The following ARHGAP4 variants were observed in gnomAD, a reference collection of about 807,000 sequenced individuals.
The protein encoded by ARHGAP4 is rho GTPase-activating protein 4.
In ARHGAP4, 25 loss-of-function variants were observed where a neutral mutation model predicts 67.6. The ratio of observed to expected loss-of-function variants is 0.37; its 90% CI spans 0.27 to 0.52. The LOEUF (loss-of-function observed/expected upper bound fraction) is 0.52, where lower values mean the gene tolerates loss of function less well. Among genes scored for constraint, ARHGAP4 ranks in the 20% least tolerant of loss-of-function variants. ARHGAP4 has a pLI of 0.92. For missense variants in ARHGAP4, 804 were observed against 854.6 expected (o/e 0.94, Z 0.74); for synonymous variants, 448 against 373.7 (o/e 1.20, Z -2.29).
At chrX:153,916,799 C>T (rs190090573) in intron 7 of ARHGAP4, among the ~76,000 whole-genome samples, 92 of 113,124 alleles carry the variant, frequency 8.1e-4, no homozygotes, top group South Asian at 2.9e-3. Context: ...CATTTCAGGC[C>T]GGGCATGGTG....
At chrX:153,919,779 CTA>C (rs1447078457) in intron 5 of ARHGAP4, 53 of 851,728 alleles carry the variant, frequency 6.2e-5, no homozygotes, top group Non-Finnish European at 8.0e-5. Flanking sequence ...AACTGGCACT[CTA>C]TTTTTTTTTT....
chrX:153,909,615 G>A (rs1402002767), intron 19 of ARHGAP4, 80 bp from the exon 20 acceptor site: 1 of 1,103,443 alleles, frequency 9.1e-7, no homozygotes, highest in Non-Finnish European at 1.2e-6. Context: ...CGCCAGCCAG[G>A]AGTGGTCAGA....
chrX:153,926,031 T>TG (rs1301941552), intron 1 of ARHGAP4, 105 bp downstream of exon 1: 1 of 1,071,385 alleles, frequency 9.3e-7, no homozygotes, highest in Non-Finnish European at 1.2e-6. Flanking sequence ...CAGAGGTCGC[T>TG]GGGGAGAGCA....
intron 20 of ARHGAP4, 130 bp downstream of exon 20, chrX:153,909,313 C>G: frequency 1.1e-6 from 1 of 877,455 alleles, no homozygotes; most frequent in Non-Finnish European, 1.6e-6. Context: ...CTCCCTGTCA[C>G]AAGCTGGGTC....
chrX:153,909,425 C>T lies in ARHGAP4; in HGVS notation c.2507+18G>A, dbSNP rs377410859. 1.7e-4 allele frequency: 196 copies of T among 1,177,570 alleles called. No homozygotes were observed. The highest frequency in any genetic ancestry group is 5.5e-4 in the African/African-American group (31 of 56,737). Reference sequence around the variant, plus strand: ...AACAGCACACGTGTGGCCCCCTGAGCCCCGTCTTCTTGCTCACCGGTGGAC... The same window carrying T: ...AACAGCACACGTGTGGCCCCCTGAGTCCCGTCTTCTTGCTCACCGGTGGAC... On this transcript the variant is annotated intron_variant, in intron 20 of 21. Transcript: ENST00000350060.
At chrX:153,919,722 G>C in intron 5 of ARHGAP4, 2 of 1,096,837 alleles carry the variant, frequency 1.8e-6, no homozygotes, top group South Asian at 2.5e-5. Flanking sequence ...GGTAGGGATA[G>C]ATCATCAAGA....
In ARHGAP4 at chrX:153,911,154, G is replaced by A. The variant is rs1471294862; in HGVS notation, c.1578C>T (p.Ser526=). ...SGQPVPLVVE[S]CIRFINLNGL... ...CATTGAGGTTGATGAAGCGAATGCA[G>A]CTCTCCACCACCAGGGGCACAGGCT... is the stretch of plus-strand genomic sequence containing the variant. The change falls in exon 13 of 22, where the codon AGC becomes AGT. Residue 526 remains serine (S), a synonymous_variant. Coordinates refer to ENST00000350060, the MANE Select transcript of ARHGAP4 (RefSeq NM_001666.5). The A allele has an allele frequency of 1.1e-5, 13 of 1,170,456 alleles. No individual in the cohort carries two copies. The highest frequency in any genetic ancestry group is 1.5e-5 in the Non-Finnish European group (13 of 874,218).
At chrX:153,917,231 A>T (rs1282026011) in intron 7 of ARHGAP4, among the ~76,000 whole-genome samples, 1 of 108,425 alleles carries the variant, frequency 9.2e-6, no homozygotes, top group African/African-American at 3.4e-5. Flanking sequence ...ATAAATAAAT[A>T]AAATAAATTA....
chrX:153,916,097 TGCGATCAC>T (rs782649506), intron 7 of ARHGAP4, among the ~76,000 whole-genome samples: 1 of 112,451 alleles, frequency 8.9e-6, no homozygotes, highest in East Asian at 2.8e-4. Flanking sequence ...AAGACCACTC[TGCGATCAC>T]GCATGAGTGA....
Position 153,912,956 on chromosome X carries a change from G to A in ARHGAP4, c.1439+68C>T. ...GTGAGGCCCAGGGGATTGGGCAGCT[G>A]AGCTGGGCCCCAGGAAGAGAAGAGA... On this transcript the variant is annotated intron_variant, in intron 11 of 21. Transcript: ENST00000350060. The A allele has an allele frequency of 4.3e-6, 5 of 1,164,133 alleles. No homozygotes were observed. The Admixed American group carries it at 7.1e-5, about 17-fold the overall frequency.
chrX:153,920,838 T>C (rs1434703603), intron 4 of ARHGAP4, 30 bp from the exon 5 acceptor site: 1 of 1,208,789 alleles, frequency 8.3e-7, no homozygotes, highest in Admixed American at 2.2e-5. Flanking sequence ...AAGGTGGTGC[T>C]GGTGAAGGCC....
chrX:153,912,916 GC>G, intron 11 of ARHGAP4, 107 bp downstream of exon 11: 3 of 1,119,997 alleles, frequency 2.7e-6, no homozygotes, highest in Middle Eastern at 2.5e-4. Context: ...ACAATCCAGT[GC>G]GAAAACTGGG....
chrX:153,918,416 C>T (rs2065069700), intron 7 of ARHGAP4, among the ~76,000 whole-genome samples: 1 of 112,238 alleles, frequency 8.9e-6, no homozygotes, highest in African/African-American at 3.2e-5. Flanking sequence ...AGTTCCAAGT[C>T]GGCCCGAAAG....
intron 6 of ARHGAP4, 49 bp from the exon 7 acceptor site, chrX:153,919,102 T>C (rs1057096005): frequency 2.5e-6 from 3 of 1,208,655 alleles, no homozygotes; most frequent in African/African-American, 3.5e-5. Flanking sequence ...AGCCACAGCT[T>C]CCCAGCCCCG....
At chrX:153,919,675 C>T (rs1215967535) in intron 5 of ARHGAP4, 20 of 1,159,826 alleles carry the variant, frequency 1.7e-5, no homozygotes, top group African/African-American at 3.6e-5. Flanking sequence ...CAGGCCTCTG[C>T]GGGGGCCAGA....
chrX:153,913,299 G>A lies in ARHGAP4; in HGVS notation c.1330C>T (p.Leu444Phe). 8.4e-7 allele frequency: 1 copy of A among 1,184,170 alleles called. No individual in the cohort carries two copies. Among genetic ancestry groups the A allele is most frequent in the South Asian group, 1.8e-5 (1 of 54,339 alleles). The part of the protein sequence containing the change: ...QETETFYLTK[L>F]QEYLSGRSIL... ...CTCCGTCCACTCAGATACTCCTGGA[G>A]CTTCTGGGCAGCCCCAAGAAGAGCC... The change falls in exon 10 of 22, where the codon CTC (leucine) becomes TTC (phenylalanine). Residue 444 changes from leucine to phenylalanine, a missense_variant. Physicochemically the swap from Leu to Phe is conservative, Grantham distance 22. Transcript: ENST00000350060.
chrX:153,924,057 A>G (rs782313255), intron 1 of ARHGAP4, among the ~76,000 whole-genome samples: 2 of 111,873 alleles, frequency 1.8e-5, no homozygotes, highest in Non-Finnish European at 3.8e-5. Context: ...GGGATTACAG[A>G]CGTGAGCCAC....
intron 7 of ARHGAP4, among the ~76,000 whole-genome samples, chrX:153,916,737 C>T (rs184603192): frequency 1.7e-4 from 19 of 112,904 alleles, no homozygotes; most frequent in Admixed American, 1.2e-3. Context: ...TTTGGACTCA[C>T]GAACAAAAGC....
chrX:153,921,859 C>G (rs1283663575), intron 1 of ARHGAP4, 50 bp from the exon 2 acceptor site: 8 of 1,126,010 alleles, frequency 7.1e-6, no homozygotes, highest in Admixed American at 2.6e-5. Flanking sequence ...CTGCCTGGGT[C>G]AGCCAGGCCA....
Sources: gnomAD v4.1 joint callset for allele counts (sites outside exome capture counted in the v4.1 genomes callset) on GRCh38, gnomAD v4.1.1 for gene constraint, MANE v1.5 for transcripts, NCBI Gene and HGNC (gene_info 2026-07-23, HGNC 2026-07-21) for gene names.